The following CCDC112 variants were observed in gnomAD, a reference collection of about 807,000 sequenced individuals.
CCDC112 encodes the protein coiled-coil domain-containing protein 112.
CCDC112 carries 40 observed loss-of-function variants against 66.3 expected under a neutral mutation model. That is an observed-to-expected ratio of 0.60 (90% CI 0.47 to 0.79). The LOEUF (loss-of-function observed/expected upper bound fraction) is 0.79. Among genes scored for constraint, CCDC112 ranks in the 30% least tolerant of loss-of-function variants. The pLI, the probability that CCDC112 is intolerant of heterozygous loss-of-function variation, is 0.00. For synonymous variants in CCDC112, 214 were observed against 197.2 expected (o/e 1.09, Z -0.71); for missense variants, 659 against 603.8 (o/e 1.09, Z -0.96).
At chr5:115,276,837 C>A in intron 4 of CCDC112, 128 bp downstream of exon 4, 1 of 572,870 alleles carries the variant, frequency 1.7e-6, no homozygotes, top group South Asian at 2.3e-5. Context: ...TAAGTCCTAA[C>A]CAATAAAGTA....
rs537266367 is a variant in CCDC112, at chr5:115,271,833, T to C, written c.919-207A>G. On this transcript the variant is annotated intron_variant, in intron 6 of 9. Coordinates refer to ENST00000379611, the MANE Select transcript of CCDC112 (RefSeq NM_001040440.3). ...TGCTGTCTCTTAAAACTCTGAATAA[T>C]GGGTCATCCTTTTGGCCTTCCTCTT... 1.7e-4 allele frequency among the ~76,000 whole-genome samples: 26 copies of C among 152,268 alleles called. No individual in the cohort carries two copies. The South Asian group carries it at 4.6e-3, about 27-fold the overall frequency.
At chr5:115,274,140 T>C (rs1364021870) in intron 6 of CCDC112, among the ~76,000 whole-genome samples, 2 of 152,202 alleles carry the variant, frequency 1.3e-5, no homozygotes, top group East Asian at 3.9e-4. Flanking sequence ...TGACTTACTG[T>C]GGTTCTCAAC....
At chr5:115,284,531 T>C (rs1397990248) in intron 2 of CCDC112, among the ~76,000 whole-genome samples, 1 of 151,864 alleles carries the variant, frequency 6.6e-6, no homozygotes, top group African/African-American at 2.4e-5. Flanking sequence ...GAAACAGCTA[T>C]TTTTTTTCCC....
chr5:115,294,281 T>A (rs1485794335), intron 1 of CCDC112, among the ~76,000 whole-genome samples: 1 of 152,214 alleles, frequency 6.6e-6, no homozygotes, highest in Non-Finnish European at 1.5e-5. Context: ...GATCCCCAAA[T>A]AACTCTATCT....
intron 3 of CCDC112, 47 bp from the exon 4 acceptor site, chr5:115,277,101 G>T: frequency 8.7e-7 from 1 of 1,152,998 alleles, no homozygotes; most frequent in South Asian, 1.3e-5. Context: ...TGACAAATGT[G>T]GTTACAATTC....
chr5:115,269,389 A>G (rs1394277827), intron 8 of CCDC112, among the ~76,000 whole-genome samples: 1 of 152,176 alleles, frequency 6.6e-6, no homozygotes, highest in East Asian at 1.9e-4. Flanking sequence ...ACTGCAAGAG[A>G]GATTAAGCAA....
chr5:115,271,738 G>C (rs1295939609), intron 6 of CCDC112, 112 bp from the exon 7 acceptor site: 4 of 696,308 alleles, frequency 5.7e-6, no homozygotes, highest in Non-Finnish European at 8.7e-6. Flanking sequence ...ATTGCAGAAT[G>C]CTGGATGCTT....
chr5:115,279,818 A>AC, intron 2 of CCDC112, 50 bp from the exon 3 acceptor site: 4 of 987,664 alleles, frequency 4.0e-6, no homozygotes, highest in Non-Finnish European at 5.9e-6. Flanking sequence ...TATATTTTTA[A>AC]TAGTTTAAAA....
intron 1 of CCDC112, among the ~76,000 whole-genome samples, chr5:115,285,578 A>G (rs1046024740): frequency 2.0e-5 from 3 of 152,082 alleles, no homozygotes; most frequent in Non-Finnish European, 2.9e-5. Flanking sequence ...TTGTGTCATG[A>G]GATTAGTAAC....
In CCDC112 at chr5:115,276,981, C is replaced by T. The variant is rs1283535548; in HGVS notation, c.435G>A (p.Val145=). 1.2e-6 allele frequency: 2 copies of T among 1,602,762 alleles called. No homozygotes were observed. The highest frequency in any genetic ancestry group is 1.7e-6 in the Non-Finnish European group (2 of 1,171,284). ...TTTACTTACAATCAGGTGTAGGCTTCACATCTTTTAATTGATGCTGAAGTT... is the reference window on the plus strand; with the variant it reads ...TTTACTTACAATCAGGTGTAGGCTTTACATCTTTTAATTGATGCTGAAGTT... ...VKKLQHQLKD[V]KPTPDFVEKL... Residue 145 remains valine (V), a synonymous_variant, in exon 4 of 10, where the codon GTG becomes GTA. Transcript: ENST00000379611.
In CCDC112 at chr5:115,288,105, C is replaced by T. The variant is rs528106587; in HGVS notation, c.118-3197G>A. On this transcript the variant is annotated intron_variant, in intron 1 of 9. Coordinates refer to ENST00000379611, the MANE Select transcript of CCDC112 (RefSeq NM_001040440.3). Reference sequence around the variant, plus strand: ...AAGCAATTCTCCTGCCTCAGCCTCCCGAGTAGCTGGGATTACAGGCACCCA... The same window carrying T: ...AAGCAATTCTCCTGCCTCAGCCTCCTGAGTAGCTGGGATTACAGGCACCCA... 5.3e-5 allele frequency among the ~76,000 whole-genome samples: 8 copies of T among 152,100 alleles called. No individual in the cohort carries two copies. In the South Asian group the frequency reaches 1.0e-3, roughly 20 times the overall value.
chr5:115,292,600 G>C (rs1749982135), intron 1 of CCDC112, among the ~76,000 whole-genome samples: 1 of 152,148 alleles, frequency 6.6e-6, no homozygotes, highest in Admixed American at 6.5e-5. Context: ...TAATATAATG[G>C]ACAACTCCAA....
intron 1 of CCDC112, among the ~76,000 whole-genome samples, chr5:115,287,286 G>A (rs573248689): frequency 6.6e-6 from 1 of 152,126 alleles, no homozygotes; most frequent in African/African-American, 2.4e-5. Flanking sequence ...ATGATGTTGA[G>A]CATTTTTTTC....
intron 1 of CCDC112, 51 bp downstream of exon 1, chr5:115,296,376 C>T: frequency 6.5e-7 from 1 of 1,534,910 alleles, no homozygotes; most frequent in Non-Finnish European, 8.7e-7. Context: ...CAGCCAGGGC[C>T]TGCAGCCCCT....
chr5:115,267,908 T>C lies in CCDC112; in HGVS notation c.1558A>G (p.Thr520Ala), dbSNP rs765954389. 6 of 1,611,664 alleles carry C rather than the reference T, an allele frequency of 3.7e-6. No homozygotes were observed. In the African/African-American group the frequency reaches 6.7e-5, roughly 18 times the overall value. ...CTTCTCTGTATTCCTTGTCTCCAGGTTGGAATAGCCCTAAGGAGAAAAAGA... is the reference window on the plus strand; with the variant it reads ...CTTCTCTGTATTCCTTGTCTCCAGGCTGGAATAGCCCTAAGGAGAAAAAGA... ...LLHIPHRAIP[T>A]WRQGIQRRV The change falls in exon 10 of 10, where the codon ACC (threonine) becomes GCC (alanine). Residue 520 changes from threonine (T) to alanine (A), a missense_variant. Coordinates refer to ENST00000379611, the MANE Select transcript of CCDC112 (RefSeq NM_001040440.3).
At chr5:115,269,101 A>T (rs1748895493) in intron 8 of CCDC112, 101 bp from the exon 9 acceptor site, 1 of 589,378 alleles carries the variant, frequency 1.7e-6, no homozygotes, top group Non-Finnish European at 2.9e-6. Flanking sequence ...CATAGTTGAT[A>T]TTGGCTAATA....
At chr5:115,268,033 T>C (rs1748818131) in intron 9 of CCDC112, 115 bp from the exon 10 acceptor site, 1 of 792,820 alleles carries the variant, frequency 1.3e-6, no homozygotes, top group East Asian at 2.6e-5. Flanking sequence ...TGCATGTTGT[T>C]TGGCTGGTTC....
intron 1 of CCDC112, among the ~76,000 whole-genome samples, chr5:115,287,273 CT>C (rs1484484772): frequency 6.6e-6 from 1 of 152,168 alleles, no homozygotes; most frequent in Non-Finnish European, 1.5e-5. Flanking sequence ...TCCATAATGA[CT>C]AATGATGTTG....
chr5:115,267,764 A>G lies in CCDC112; in HGVS notation c.*112T>C. The G allele has an allele frequency of 1.2e-6, 1 of 865,176 alleles. No homozygotes were observed. The highest frequency in any genetic ancestry group is 1.9e-6 in the Non-Finnish European group (1 of 513,834). 53.6% of individuals were successfully genotyped at this position (865,176 alleles called of 1,614,324 possible). Reference sequence around the variant, plus strand: ...TACCTCTCAATTCACAATATAGCACAATAATCAATCTGACTAAGCTATTGA... The same window carrying G: ...TACCTCTCAATTCACAATATAGCACGATAATCAATCTGACTAAGCTATTGA... On this transcript the variant is annotated 3_prime_UTR_variant, in exon 10 of 10. Coordinates refer to ENST00000379611, the MANE Select transcript of CCDC112 (RefSeq NM_001040440.3).
Sources: gnomAD v4.1 joint callset for allele counts (sites outside exome capture counted in the v4.1 genomes callset) on GRCh38, gnomAD v4.1.1 for gene constraint, MANE v1.5 for transcripts, NCBI Gene and HGNC (gene_info 2026-07-23, HGNC 2026-07-21) for gene names.